Variants in HOMER2 observed in about 807,000 individuals in gnomAD.
The protein encoded by HOMER2 is homer scaffold protein 2.
A neutral mutation model predicts 47.0 loss-of-function variants in HOMER2; 27 were observed. That is an observed-to-expected ratio of 0.57 (90% confidence interval 0.42 to 0.79). The LOEUF (loss-of-function observed/expected upper bound fraction) is 0.79. Among genes scored for constraint, HOMER2 ranks in the 30% least tolerant of loss-of-function variants. The pLI is 0.00. For missense variants in HOMER2, 443 were observed against 435.0 expected (o/e 1.02, Z -0.16); for synonymous variants, 161 against 163.8 (o/e 0.98, Z 0.13).
intron 7 of HOMER2, 49 bp from the exon 8 acceptor site, chr15:82,851,280 T>C (rs2051385803): frequency 7.6e-7 from 1 of 1,311,550 alleles, no homozygotes; most frequent in Non-Finnish European, 1.1e-6. Context: ...TCAGATAAAA[T>C]ATATTCTTGA....
At chr15:82,868,484 C>A (rs1220337771) in intron 3 of HOMER2, among the ~76,000 whole-genome samples, 18 of 119,596 alleles carry the variant, frequency 1.5e-4, no homozygotes, top group African/African-American at 5.6e-4. Context: ...TATTTTTTAA[C>A]TTTTAAGTTA....
chr15:82,864,201 T>C lies in HOMER2; in HGVS notation c.353A>G (p.Gln118Arg). 1 of 1,611,610 alleles carries C rather than the reference T, an allele frequency of 6.2e-7. No individual in the cohort carries two copies. Among genetic ancestry groups the C allele is most frequent in the South Asian group, 1.1e-5 (1 of 90,712 alleles). Residue 118 changes from glutamine to arginine, a missense_variant, in exon 4 of 9, where the codon CAG becomes CGG. Physicochemically the swap from Gln to Arg is conservative, Grantham distance 43. Transcript: ENST00000450735. ...EAAKIAKDKTQEKIETSSNHS... is the reference protein window; with the variant it reads ...EAAKIAKDKTREKIETSSNHS... ...ATTACTTGAGGTCTCGATTTTCTCC[T>C]GCGTCTTGTCTTTGGCTATCTTGGC...
intron 1 of HOMER2, among the ~76,000 whole-genome samples, chr15:82,969,770 A>G (rs2029921279): frequency 1.3e-5 from 2 of 152,244 alleles, no homozygotes; most frequent in Admixed American, 6.5e-5. Flanking sequence ...GGGAAGATGC[A>G]GGGATAGAAA....
Position 82,888,884 on chromosome 15 carries a change from G to T in HOMER2, c.162+3801C>A, listed in dbSNP as rs1353879021. On this transcript the variant is annotated intron_variant, in intron 2 of 8. Transcript: ENST00000450735. ...TCGCTCACGCTGGGAGCTGTAGACC[G>T]GAGCTGTTCCTATTCGGCCATCTTG... Among the ~76,000 whole-genome samples, 4 of 148,482 alleles carry T rather than the reference G, an allele frequency of 2.7e-5. 1 individual carries two copies. Among genetic ancestry groups the T allele is most frequent in the Admixed American group, 1.3e-4 (2 of 14,824 alleles).
chr15:82,856,031 G>T (rs1162664341), intron 5 of HOMER2, among the ~76,000 whole-genome samples: 1 of 152,070 alleles, frequency 6.6e-6, no homozygotes, highest in East Asian at 1.9e-4. Context: ...AAATACAATG[G>T]TGTGTCTGAA....
chr15:82,846,948 A>C (rs1265366057), downstream of HOMER2: 1 of 152,190 alleles, frequency 6.6e-6, no homozygotes, highest in East Asian at 1.9e-4. Flanking sequence ...TCCAAGTTTT[A>C]GTTGATCTTT....
intron 1 of HOMER2, among the ~76,000 whole-genome samples, chr15:82,931,974 T>C (rs2054022877): frequency 6.6e-6 from 1 of 152,206 alleles, no homozygotes; most frequent in Non-Finnish European, 1.5e-5. Flanking sequence ...ATTCTGTTAG[T>C]GCCAAAGAAA....
At chr15:82,907,356 GAAAGA>G (rs1052522791) in intron 1 of HOMER2, among the ~76,000 whole-genome samples, 5 of 145,192 alleles carry the variant, frequency 3.4e-5, no homozygotes, top group East Asian at 2.0e-4. Context: ...GACCCTATCA[GAAAGA>G]AAAGAAAAGA....
chr15:82,869,829 G>T (rs1218307962), intron 3 of HOMER2, among the ~76,000 whole-genome samples: 1 of 151,988 alleles, frequency 6.6e-6, no homozygotes, highest in Non-Finnish European at 1.5e-5. Flanking sequence ...TCCTAGTACT[G>T]GATGTTAGGG....
intron 2 of HOMER2, among the ~76,000 whole-genome samples, chr15:82,875,711 T>A (rs959127933): frequency 7.9e-5 from 12 of 152,330 alleles, no homozygotes; most frequent in Admixed American, 5.9e-4. Context: ...CTGCTATTTA[T>A]TTCCCCAAAG....
exon 2 of HOMER2, chr15:82,958,974 C>A (rs1286317780): frequency 2.6e-5 from 4 of 152,406 alleles, no homozygotes; most frequent in South Asian, 2.1e-4. Context: ...GTCACCCTTA[C>A]CCCTATCAAA....
At chr15:82,870,403 T>C (rs2052138684) in intron 3 of HOMER2, among the ~76,000 whole-genome samples, 1 of 152,078 alleles carries the variant, frequency 6.6e-6, no homozygotes, top group Non-Finnish European at 1.5e-5. Context: ...TCGCCAAGAA[T>C]GCAGGTGTGA....
downstream of HOMER2, chr15:82,847,369 C>T (rs973593912): frequency 1.3e-5 from 2 of 152,226 alleles, no homozygotes; most frequent in Non-Finnish European, 2.9e-5. Context: ...ACTTACCTTT[C>T]CCTTTAAGGG....
intron 5 of HOMER2, among the ~76,000 whole-genome samples, chr15:82,856,605 ACT>A (rs1021089560): frequency 3.3e-5 from 5 of 152,128 alleles, no homozygotes; most frequent in African/African-American, 9.7e-5. Context: ...GATCACAGAG[ACT>A]CTGCCTCAAA....
rs2052055665 is a variant in HOMER2, at chr15:82,868,523, T to TATATATATATATATATATATATA, written c.295-4265_295-4264insTATATATATATATATATATATAT. Among the ~76,000 whole-genome samples, 99 of 36,554 alleles carry TATATATATATATATATATATATA rather than the reference T, an allele frequency of 2.7e-3. 9 individuals carry two copies. The highest frequency in any genetic ancestry group is 3.6e-3 in the Non-Finnish European group (77 of 21,406). 24.0% of individuals were successfully genotyped at this position (36,554 alleles called of 152,430 possible). The stretch of plus-strand genomic sequence containing the variant: ...AAGTTATATATATCACTTATTTATT[T>TATATATATATATATATATATATA]TATATATATATATATATATTTTTTT... On this transcript the variant is annotated intron_variant, in intron 3 of 8. Transcript: ENST00000450735.
At chr15:82,956,058 G>A (rs573607614), upstream of HOMER2, among the ~76,000 whole-genome samples, 16 of 152,016 alleles carry the variant, frequency 1.1e-4, no homozygotes, top group Admixed American at 9.8e-4. Flanking sequence ...TGGCCAACAT[G>A]GCAAAACCCC....
Position 82,849,914 on chromosome 15 carries a change from A to C in HOMER2, c.844-11T>G. The C allele has an allele frequency of 6.2e-7, 1 of 1,612,626 alleles. No individual in the cohort carries two copies. The highest frequency in any genetic ancestry group is 1.1e-5 in the South Asian group (1 of 90,982). ...GTCTCTCTCTGCCGCCTGGCCAAGCAAAAGGGAGAAGGGTCTAGAAAACTG... is the reference window on the plus strand; with the variant it reads ...GTCTCTCTCTGCCGCCTGGCCAAGCCAAAGGGAGAAGGGTCTAGAAAACTG... On this transcript the variant is annotated splice_polypyrimidine_tract_variant and intron_variant, in intron 8 of 8. Transcript: ENST00000450735.
intron 1 of HOMER2, among the ~76,000 whole-genome samples, chr15:82,895,050 A>C (rs2052862268): frequency 6.6e-6 from 1 of 152,228 alleles, no homozygotes; most frequent in Admixed American, 6.5e-5. Context: ...CGTGGTTTTG[A>C]AGAAATGCAG....
chr15:82,942,432 A>G (rs1312881175), intron 1 of HOMER2, among the ~76,000 whole-genome samples: 1 of 152,202 alleles, frequency 6.6e-6, no homozygotes, highest in African/African-American at 2.4e-5. Context: ...GAAACTACTG[A>G]CTAGTCCACA....
Sources: allele counts gnomAD v4.1 joint callset (sites outside exome capture counted in the v4.1 genomes callset), GRCh38; gene constraint gnomAD v4.1.1; transcripts MANE v1.5; gene names NCBI Gene and HGNC (gene_info 2026-07-23, HGNC 2026-07-21).